Variants in KSR2 observed in about 807,000 individuals in gnomAD.
KSR2 encodes kinase suppressor of ras 2.
In KSR2, 25 loss-of-function variants were observed where a neutral mutation model predicts 107.8. That is an observed-to-expected ratio of 0.23 (90% confidence interval 0.17 to 0.32). The LOEUF is 0.32. Among genes scored for constraint, KSR2 ranks in the 10% least tolerant of loss-of-function variants. The pLI is 1.00. For missense variants in KSR2, 887 were observed against 1,268.9 expected (o/e 0.70, Z 4.57); for synonymous variants, 480 against 507.0 (o/e 0.95, Z 0.71).
intron 5 of KSR2, among the ~76,000 whole-genome samples, chr12:117,588,332 C>T (rs1404769154): frequency 1.3e-5 from 2 of 152,076 alleles, no homozygotes; most frequent in African/African-American, 4.8e-5. Flanking sequence ...CAAACCCAAG[C>T]AGGGGAGGAT....
chr12:117,511,334 A>G (rs1345989623), intron 14 of KSR2, among the ~76,000 whole-genome samples: 1 of 152,234 alleles, frequency 6.6e-6, no homozygotes, highest in Non-Finnish European at 1.5e-5. Flanking sequence ...TTTACTTTAT[A>G]CCCAAGAGTA....
chr12:117,607,836 C>T (rs1881376588), intron 5 of KSR2, among the ~76,000 whole-genome samples: 1 of 152,180 alleles, frequency 6.6e-6, no homozygotes. Context: ...GGGTTTCTGA[C>T]ACCACTGGTG....
At chr12:117,760,875 C>T in intron 4 of KSR2, 136 bp downstream of exon 4, 1 of 1,119,222 alleles carries the variant, frequency 8.9e-7, no homozygotes, top group Admixed American at 2.6e-5. Context: ...CTGTGAAAAG[C>T]CATTTTTCAT....
At chr12:117,786,378 T>C (rs180685568) in intron 3 of KSR2, among the ~76,000 whole-genome samples, 1 of 152,294 alleles carries the variant, frequency 6.6e-6, no homozygotes, top group East Asian at 1.9e-4. Context: ...AGATTTGATG[T>C]ATAGGTAAAC....
chr12:117,840,999 C>A (rs909851169), intron 3 of KSR2, among the ~76,000 whole-genome samples: 158 of 140,552 alleles, frequency 1.1e-3, no homozygotes, highest in South Asian at 1.9e-3. Flanking sequence ...GATTCTGTCT[C>A]AAAAAAAAAA....
intron 4 of KSR2, among the ~76,000 whole-genome samples, chr12:117,724,101 G>A (rs1312561839): frequency 6.6e-6 from 1 of 152,078 alleles, no homozygotes. Context: ...GAGGTCAGGA[G>A]TTCGAGACCA....
chr12:117,810,434 C>T (rs1239068103), intron 3 of KSR2, among the ~76,000 whole-genome samples: 1 of 152,210 alleles, frequency 6.6e-6, no homozygotes, highest in Admixed American at 6.5e-5. Context: ...CCTCAGCCTC[C>T]AGAGTAACTA....
At position 117,753,860 on chromosome 12, in the gene KSR2, A is replaced by G. The variant is rs188593839; in HGVS notation, c.986+7151T>C. On this transcript the variant is annotated intron_variant, in intron 4 of 19. Transcript: ENST00000339824. The stretch of plus-strand genomic sequence containing the variant: ...AGAAGGAAAACAAGAACATCAGCAC[A>G]TATTTCCCACTGTCTTCATCACATT... 1.4e-3 allele frequency among the ~76,000 whole-genome samples: 219 copies of G among 152,000 alleles called. 1 individual carries two copies. Among genetic ancestry groups the G allele is most frequent in the African/African-American group, 5.1e-3 (213 of 41,436 alleles).
chr12:117,613,389 C>T (rs1458893030), intron 5 of KSR2, among the ~76,000 whole-genome samples: 8 of 152,208 alleles, frequency 5.3e-5, no homozygotes. Context: ...GAGTCCCAGA[C>T]TTTCAGCTAC....
In KSR2 at chr12:117,759,629, TAAC is replaced by T. The variant is rs1443648211; in HGVS notation, c.986+1379_986+1381del. Among the ~76,000 whole-genome samples the T allele has an allele frequency of 4.6e-5, 7 of 152,168 alleles. No homozygotes were observed. In the East Asian group the frequency reaches 1.3e-3, roughly 29 times the overall value. The stretch of plus-strand genomic sequence containing the variant: ...AAATGCAAAGTCTATATCCAATAAA[TAAC>T]AACTCCCCATTCTCCCTCCCCTCAG... On this transcript the variant is annotated intron_variant, in intron 4 of 19. Transcript: ENST00000339824.
intron 1 of KSR2, among the ~76,000 whole-genome samples, chr12:117,932,345 T>A (rs1378603491): frequency 6.6e-6 from 1 of 152,122 alleles, no homozygotes; most frequent in Non-Finnish European, 1.5e-5. Context: ...CATGGTGTTA[T>A]ACAGTTGACA....
At chr12:117,880,425 T>C (rs1893988727) in intron 1 of KSR2, among the ~76,000 whole-genome samples, 1 of 151,946 alleles carries the variant, frequency 6.6e-6, no homozygotes, top group African/African-American at 2.4e-5. Flanking sequence ...CTGCAGACAA[T>C]TTTTTAGCAG....
intron 5 of KSR2, among the ~76,000 whole-genome samples, chr12:117,637,683 T>TTTTTG (rs1192469288): frequency 1.5e-5 from 2 of 131,880 alleles, no homozygotes; most frequent in Non-Finnish European, 3.2e-5. Flanking sequence ...GGGTTTTTTT[T>TTTTTG]TTTTTTTTTT....
At chr12:117,528,849 C>G (rs1284214891) in intron 12 of KSR2, among the ~76,000 whole-genome samples, 1 of 152,226 alleles carries the variant, frequency 6.6e-6, no homozygotes, top group Non-Finnish European at 1.5e-5. Flanking sequence ...GTTGTCATCA[C>G]TCCGCGCACA....
At position 117,694,506 on chromosome 12, in the gene KSR2, C is replaced by T. The variant is rs535249739; in HGVS notation, c.987-26848G>A. 2.0e-5 allele frequency among the ~76,000 whole-genome samples: 3 copies of T among 152,314 alleles called. No individual in the cohort carries two copies. The East Asian group carries it at 5.8e-4, about 29-fold the overall frequency. On this transcript the variant is annotated intron_variant, in intron 4 of 19. Transcript: ENST00000339824. ...TTAACCAGTCTTGGGTATGTCTTTA[C>T]TAGCAGCATGAGAGCAGACTGATAC...
At chr12:117,936,542 G>T (rs576819378) in intron 1 of KSR2, among the ~76,000 whole-genome samples, 1,450 of 140,154 alleles carry the variant, frequency 0.01, 11 homozygotes, top group Non-Finnish European at 0.014. Flanking sequence ...ATTAGTAGTA[G>T]TAGTAGTAGT....
chr12:117,709,863 C>A (rs1282596819), intron 4 of KSR2, among the ~76,000 whole-genome samples: 1 of 152,232 alleles, frequency 6.6e-6, no homozygotes, highest in Non-Finnish European at 1.5e-5. Context: ...AAATGGACTC[C>A]AGACATTGCC....
chr12:117,881,253 A>G (rs900099432), intron 1 of KSR2, among the ~76,000 whole-genome samples: 2 of 152,242 alleles, frequency 1.3e-5, no homozygotes, highest in Admixed American at 1.3e-4. Context: ...TCCAGGGTTC[A>G]GATTCATGGT....
At chr12:117,770,194 C>A (rs1039546114) in intron 3 of KSR2, among the ~76,000 whole-genome samples, 3 of 152,160 alleles carry the variant, frequency 2.0e-5, no homozygotes, top group East Asian at 1.9e-4. Flanking sequence ...CATATAGGAT[C>A]TTTGCAGATA....
Sources: gnomAD v4.1 joint callset for allele counts (sites outside exome capture counted in the v4.1 genomes callset) on GRCh38, gnomAD v4.1.1 for gene constraint, MANE v1.5 for transcripts, NCBI Gene and HGNC (gene_info 2026-07-23, HGNC 2026-07-21) for gene names.